SLC26A7: variants seen among roughly 807,000 people sequenced by gnomAD.
SLC26A7 encodes the protein anion exchange transporter.
In SLC26A7, 59 loss-of-function variants were observed where a neutral mutation model predicts 82.5. That is an observed-to-expected ratio of 0.72 (90% CI 0.58 to 0.89). SLC26A7 has a LOEUF of 0.89. SLC26A7 is among the 40% of genes least tolerant of loss of function. The pLI is 0.00. For missense variants in SLC26A7, 820 were observed against 793.0 expected (o/e 1.03, Z -0.41); for synonymous variants, 271 against 274.3 (o/e 0.99, Z 0.12).
At chr8:91,363,182 C>G (rs531312455) in intron 12 of SLC26A7, among the ~76,000 whole-genome samples, 1 of 152,072 alleles carries the variant, frequency 6.6e-6, no homozygotes, top group South Asian at 2.1e-4. Flanking sequence ...AATATTTTAT[C>G]AATACTGCAT....
chr8:91,272,474 C>T (rs1047595925), intron 2 of SLC26A7, among the ~76,000 whole-genome samples: 6 of 152,084 alleles, frequency 3.9e-5, no homozygotes, highest in Admixed American at 2.6e-4. Flanking sequence ...ATTAAAAGCA[C>T]GATCAACTCT....
intron 4 of SLC26A7, among the ~76,000 whole-genome samples, chr8:91,316,179 A>G (rs544412921): frequency 7.1e-4 from 108 of 152,240 alleles, no homozygotes; most frequent in African/African-American, 2.3e-3. Context: ...ATCACTTTAT[A>G]TTTCTCATTT....
chr8:91,345,675 G>A (rs148069742), intron 9 of SLC26A7, among the ~76,000 whole-genome samples: 1 of 152,236 alleles, frequency 6.6e-6, no homozygotes, highest in Non-Finnish European at 1.5e-5. Flanking sequence ...CCCACTGTGC[G>A]GCAGGATCTT....
chr8:91,350,706 C>G (rs1239602817), intron 9 of SLC26A7, among the ~76,000 whole-genome samples: 1 of 151,908 alleles, frequency 6.6e-6, no homozygotes, highest in East Asian at 1.9e-4. Context: ...TATGGATGTA[C>G]CACACTTTAT....
At chr8:91,295,491 A>C in intron 3 of SLC26A7, 40 bp from the exon 4 acceptor site, 2 of 1,579,254 alleles carry the variant, frequency 1.3e-6, no homozygotes, top group Non-Finnish European at 1.7e-6. Context: ...CCTTTAAATC[A>C]AATTACTAAT....
chr8:91,230,322 A>C (rs1232791621), intron 2 of SLC26A7, among the ~76,000 whole-genome samples: 2 of 152,198 alleles, frequency 1.3e-5, no homozygotes, highest in African/African-American at 4.8e-5. Flanking sequence ...ACTCCTTGAC[A>C]TCTCTCACAG....
chr8:91,264,312 T>G (rs1412772724), intron 2 of SLC26A7, among the ~76,000 whole-genome samples: 1 of 151,932 alleles, frequency 6.6e-6, no homozygotes, highest in African/African-American at 2.4e-5. Context: ...GGGAGAAAAA[T>G]CAGAATCATT....
At chr8:91,361,195 A>G (rs1421247212) in intron 11 of SLC26A7, among the ~76,000 whole-genome samples, 1 of 152,160 alleles carries the variant, frequency 6.6e-6, no homozygotes, top group Admixed American at 6.5e-5. Flanking sequence ...ACAGTCTGTT[A>G]AGAATCACTC....
Position 91,295,711 on chromosome 8 carries a change from A to T in SLC26A7, c.477+8A>T. On this transcript the variant is annotated splice_region_variant and intron_variant, in intron 4 of 18. Coordinates refer to ENST00000276609, the MANE Select transcript of SLC26A7 (RefSeq NM_052832.4). ...TTGGGAGGTGTGATTCAGGTAAGTG[A>T]TACTGACACTTGAGCACAAAGAAAG... is the stretch of plus-strand genomic sequence containing the variant. 6.2e-7 allele frequency: 1 copy of T among 1,612,700 alleles called. No homozygotes were observed. The highest frequency in any genetic ancestry group is 8.5e-7 in the Non-Finnish European group (1 of 1,179,302).
At chr8:91,299,807 T>C (rs1812113313) in intron 4 of SLC26A7, among the ~76,000 whole-genome samples, 3 of 152,296 alleles carry the variant, frequency 2.0e-5, no homozygotes, top group African/African-American at 7.2e-5. Context: ...CCAACTTGCA[T>C]TGGAGGAAAA....
At chr8:91,372,299 C>G (rs1041596181) in intron 15 of SLC26A7, among the ~76,000 whole-genome samples, 1 of 151,632 alleles carries the variant, frequency 6.6e-6, no homozygotes, top group Non-Finnish European at 1.5e-5. Context: ...AGTCATAAAT[C>G]TTTTGCTTAC....
chr8:91,345,853 C>A (rs1252871376), intron 9 of SLC26A7, among the ~76,000 whole-genome samples: 7 of 152,084 alleles, frequency 4.6e-5, no homozygotes, highest in Non-Finnish European at 4.4e-5. Context: ...ATCTTTGTAA[C>A]CTTTAATATC....
At chr8:91,278,762 TA>T (rs1811474755) in intron 2 of SLC26A7, among the ~76,000 whole-genome samples, 1 of 152,152 alleles carries the variant, frequency 6.6e-6, no homozygotes, top group African/African-American at 2.4e-5. Context: ...TAAGAACACT[TA>T]AAATCTATTC....
In SLC26A7 at chr8:91,393,801, A is replaced by C. The variant is rs764060979; in HGVS notation, c.1781A>C (p.Tyr594Ser). ...ATCCTATTTTAATTCTTCCAGGTTT[A>C]CATGGACTGTAAAGGCAGGAGTGTG... ...YSGVSMLVEV[Y>S]MDCKGRSVDV... Residue 594 changes from tyrosine to serine, a missense_variant, in exon 17 of 19, where the codon TAC (tyrosine) becomes TCC (serine). Coordinates refer to ENST00000276609, the MANE Select transcript of SLC26A7 (RefSeq NM_052832.4). 6.2e-7 allele frequency: 1 copy of C among 1,613,568 alleles called. No homozygotes were observed. Among genetic ancestry groups the C allele is most frequent in the East Asian group, 2.2e-5 (1 of 44,864 alleles).
chr8:91,368,879 G>T (rs1442981567), intron 14 of SLC26A7, among the ~76,000 whole-genome samples: 1 of 152,210 alleles, frequency 6.6e-6, no homozygotes, highest in East Asian at 1.9e-4. Flanking sequence ...TAGAAATAGA[G>T]AGAGATAAAA....
chr8:91,253,179 A>G (rs1306766584), intron 2 of SLC26A7, among the ~76,000 whole-genome samples: 2 of 152,126 alleles, frequency 1.3e-5, no homozygotes. Flanking sequence ...ACTTGCCTAA[A>G]GTCACACAGC....
At chr8:91,378,808 A>C (rs912051418) in intron 15 of SLC26A7, among the ~76,000 whole-genome samples, 2 of 152,110 alleles carry the variant, frequency 1.3e-5, no homozygotes, top group African/African-American at 4.8e-5. Context: ...TAACAGAAGG[A>C]AATTTACAAC....
At chr8:91,295,746 G>A (rs369863736) in intron 4 of SLC26A7, 43 bp downstream of exon 4, 8 of 1,572,326 alleles carry the variant, frequency 5.1e-6, no homozygotes, top group East Asian at 2.2e-5. Flanking sequence ...GGGACACAGC[G>A]GCACAGGGAA....
chr8:91,232,362 AAAGATATC>A (rs148437445), intron 2 of SLC26A7, among the ~76,000 whole-genome samples: 2,987 of 152,342 alleles, frequency 0.02, 81 homozygotes, highest in African/African-American at 0.068. Flanking sequence ...TCTGTGATGA[AAAGATATC>A]AAGTATTTTA....
Sources: gnomAD v4.1 joint callset for allele counts (sites outside exome capture counted in the v4.1 genomes callset) on GRCh38, gnomAD v4.1.1 for gene constraint, MANE v1.5 for transcripts, NCBI Gene and HGNC (gene_info 2026-07-23, HGNC 2026-07-21) for gene names.